The following TMEM208 variants were observed in gnomAD, a reference collection of about 807,000 sequenced individuals.
TMEM208 encodes the protein SRP-independent targeting 2 homolog.
A neutral mutation model predicts 26.4 loss-of-function variants in TMEM208; 19 were observed. That is an observed-to-expected ratio of 0.72 (90% CI 0.50 to 1.06). The LOEUF (loss-of-function observed/expected upper bound fraction) is 1.06. Ranked by LOEUF, TMEM208 falls within the 50% of genes least tolerant of loss-of-function variation. The probability of loss-of-function intolerance (pLI) is 0.00; values close to 1 mark genes in which losing one functional copy is unlikely to be tolerated. For missense variants in TMEM208, 183 were observed against 219.8 expected (o/e 0.83, Z 1.06); for synonymous variants, 93 against 83.1 (o/e 1.12, Z -0.65).
chr16:67,228,315 G>GT (rs1345304978), intron 2 of TMEM208, 40 bp from the exon 3 acceptor site: 22 of 1,610,432 alleles, frequency 1.4e-5, no homozygotes, highest in Non-Finnish European at 1.6e-5. Context: ...TGGTTTGGAG[G>GT]TAACTTCTGA....
rs751919286 is a variant in TMEM208 at position 67,227,827 on chromosome 16, C to T, written c.7-9C>T. 7.5e-6 allele frequency: 12 copies of T among 1,599,668 alleles called. No individual in the cohort carries two copies. The highest frequency in any genetic ancestry group is 2.3e-5 in the East Asian group (1 of 44,412). ...GGCCTCCTGACGGCATCTCATCATT[C>T]CTCTGCAGCCCAAGGGCAAAGTGGG... On this transcript the variant is annotated splice_polypyrimidine_tract_variant and intron_variant, in intron 1 of 5. Transcript: ENST00000304800.
chr16:67,227,856 G>GA lies in TMEM208; in HGVS notation c.28dup (p.Arg10LysfsTer8). The GA allele has an allele frequency of 6.2e-7, 1 of 1,610,288 alleles. No individual in the cohort carries two copies. Among genetic ancestry groups the GA allele is most frequent in the Non-Finnish European group, 8.5e-7 (1 of 1,178,274 alleles). ...TGCAGCCCAAGGGCAAAGTGGGCAC[G>GA]AGAGGGAAGAAGCAGATATTTGAAG... On this transcript the variant is annotated frameshift_variant, in exon 2 of 6. Coordinates refer to ENST00000304800, the MANE Select transcript of TMEM208 (RefSeq NM_014187.4). LOFTEE classifies it high-confidence loss of function.
At chr16:67,228,467 C>A in intron 3 of TMEM208, 28 bp from the exon 4 acceptor site, 1 of 1,613,936 alleles carries the variant, frequency 6.2e-7, no homozygotes, top group South Asian at 1.1e-5. Flanking sequence ...AGTGGCTGGC[C>A]TTTGATACCC....
In TMEM208 at chr16:67,229,029, C is replaced by T; in HGVS notation, c.438C>T (p.Phe146=). Residue 146 remains phenylalanine, a synonymous_variant, in exon 6 of 6, where the codon TTC becomes TTT. Transcript: ENST00000304800. ...GGGTGAATGTGCTGGGCCCCTGGTT[C>T]ACTGCAGACAGTGGCACCCCAGCAC... ...LLWVNVLGPW[F]TADSGTPAPE... 1 of 1,612,792 alleles carries T rather than the reference C, an allele frequency of 6.2e-7. No homozygotes were observed. The highest frequency in any genetic ancestry group is 8.5e-7 in the Non-Finnish European group (1 of 1,179,042).
chr16:67,229,039 A>G lies in TMEM208; in HGVS notation c.448A>G (p.Ser150Gly), dbSNP rs758870713. The G allele has an allele frequency of 1.2e-6, 2 of 1,613,332 alleles. No homozygotes were observed. Among genetic ancestry groups the G allele is most frequent in the South Asian group, 2.2e-5 (2 of 91,062 alleles). Residue 150 changes from serine (S) to glycine (G), a missense_variant, in exon 6 of 6, where the codon AGT (serine) becomes GGT (glycine). Ser to Gly is a moderately conservative substitution (Grantham distance 56). Coordinates refer to ENST00000304800, the MANE Select transcript of TMEM208 (RefSeq NM_014187.4). ...NVLGPWFTAD[S>G]GTPAPEHNEK... ...GCTGGGCCCCTGGTTCACTGCAGAC[A>G]GTGGCACCCCAGCACCAGAGCACAA...
rs761001314 is a variant in TMEM208, at chr16:67,228,332, C to T, written c.103-23C>T. On this transcript the variant is annotated intron_variant, in intron 2 of 5. Transcript: ENST00000304800. ...GTTTGGAGGTAACTTCTGACCCCAACCTGATCCTGTGATTGCTTGCAGGCC... is the reference window on the plus strand; with the variant it reads ...GTTTGGAGGTAACTTCTGACCCCAATCTGATCCTGTGATTGCTTGCAGGCC... The T allele has an allele frequency of 4.8e-5, 78 of 1,613,802 alleles. 1 individual carries two copies. Among genetic ancestry groups the T allele is most frequent in the Non-Finnish European group, 6.4e-5 (76 of 1,179,836 alleles).
rs916200277 is a variant in TMEM208, at chr16:67,228,643, C to T, written c.299+12C>T. On this transcript the variant is annotated intron_variant, in intron 4 of 5. Transcript: ENST00000304800. Reference sequence around the variant, plus strand: ...CAGGGCATGGCAGAGTGAGTGTCCCCCACCGCCAGCCCAGGTGAGCGGCCC... The same window carrying T: ...CAGGGCATGGCAGAGTGAGTGTCCCTCACCGCCAGCCCAGGTGAGCGGCCC... The T allele has an allele frequency of 1.9e-6, 3 of 1,551,130 alleles. No individual in the cohort carries two copies. Among genetic ancestry groups the T allele is most frequent in the African/African-American group, 1.4e-5 (1 of 73,072 alleles).
intron 2 of TMEM208, 21 bp from the exon 3 acceptor site, chr16:67,228,334 T>G (rs1227073109): frequency 3.1e-6 from 5 of 1,613,950 alleles, no homozygotes; most frequent in South Asian, 1.1e-5. Flanking sequence ...GACCCCAACC[T>G]GATCCTGTGA....
At chr16:67,228,449 G>C (rs761285449) in intron 3 of TMEM208, 35 bp downstream of exon 3, 1 of 1,613,986 alleles carries the variant, frequency 6.2e-7, no homozygotes, top group Admixed American at 1.7e-5. Flanking sequence ...GGATGAGTGC[G>C]TAGGGTCAGT....
intron 1 of TMEM208, 117 bp downstream of exon 1, chr16:67,227,341 C>G (rs1456397630): frequency 1.4e-6 from 2 of 1,426,478 alleles, no homozygotes; most frequent in Non-Finnish European, 1.9e-6. Flanking sequence ...GGCGCCATCC[C>G]TGGCCAGACC....
At chr16:67,227,309 G>T (rs893419991) in intron 1 of TMEM208, 85 bp downstream of exon 1, 46 of 1,548,082 alleles carry the variant, frequency 3.0e-5, no homozygotes, top group Non-Finnish European at 3.9e-5. Flanking sequence ...AACATTAAGG[G>T]ATATGGGGTG....
Position 67,228,649 on chromosome 16 carries a change from C to A in TMEM208, c.299+18C>A. 1 of 1,549,188 alleles carries A rather than the reference C, an allele frequency of 6.5e-7. No individual in the cohort carries two copies. The highest frequency in any genetic ancestry group is 1.9e-5 in the Admixed American group (1 of 51,658). ...ATGGCAGAGTGAGTGTCCCCCACCG[C>A]CAGCCCAGGTGAGCGGCCCCAGGGC... On this transcript the variant is annotated intron_variant, in intron 4 of 5. Transcript: ENST00000304800.
At position 67,227,159 on chromosome 16, in the gene TMEM208, T is replaced by C. The variant is rs2034049886; in HGVS notation, c.-60T>C. The C allele has an allele frequency of 1.2e-5, 20 of 1,606,292 alleles. No individual in the cohort carries two copies. The South Asian group carries it at 2.0e-4, about 16-fold the overall frequency. On this transcript the variant is annotated 5_prime_UTR_variant, in exon 1 of 6. An upstream open reading frame in the 5' UTR loses its in-frame stop. Transcript: ENST00000304800. ...GTGCATGAGCTGCCGATGTGGTGCT[T>C]AGTGATTGCGGTTTCGGTCGCTCTC...
intron 2 of TMEM208, 149 bp from the exon 3 acceptor site, chr16:67,228,206 T>C (rs2034099481): frequency 1.1e-6 from 1 of 874,534 alleles, no homozygotes; most frequent in Admixed American, 2.1e-5. Context: ...AGTGGGTATT[T>C]GGGATTCAGG....
intron 1 of TMEM208, chr16:67,227,478 C>A: frequency 1.8e-6 from 1 of 570,938 alleles, no homozygotes; most frequent in Non-Finnish European, 3.1e-6. Context: ...TAACCCAGAT[C>A]GGGACTACGC....
intron 2 of TMEM208, 65 bp from the exon 3 acceptor site, chr16:67,228,290 G>T: frequency 3.8e-6 from 6 of 1,574,562 alleles, no homozygotes; most frequent in Non-Finnish European, 5.2e-6. Context: ...CTTGGTCAGA[G>T]TTGAGGGAGA....
At chr16:67,228,016 C>T (rs2034091059) in intron 2 of TMEM208, 85 bp downstream of exon 2, 5 of 1,107,344 alleles carry the variant, frequency 4.5e-6, no homozygotes, top group East Asian at 2.6e-5. Context: ...GAGTGGTACC[C>T]GAAAAAGCTC....
rs1260477952 is a variant in TMEM208, at chr16:67,229,218, G to A, written c.*105G>A. 1 of 1,217,728 alleles carries A rather than the reference G, an allele frequency of 8.2e-7. No individual in the cohort carries two copies. The highest frequency in any genetic ancestry group is 1.1e-6 in the Non-Finnish European group (1 of 879,260). 75.4% of individuals were successfully genotyped at this position (1,217,728 alleles called of 1,614,324 possible). A position where few individuals can be genotyped will look rare whatever the true frequency, so the allele number is the denominator to read the frequency against. Reference sequence around the variant, plus strand: ...GGGTCTAGTCCAGGGGCCAAAAGCAGTCTGAGGTATTGGGTATACTTATAC... The same window carrying A: ...GGGTCTAGTCCAGGGGCCAAAAGCAATCTGAGGTATTGGGTATACTTATAC... On this transcript the variant is annotated 3_prime_UTR_variant, in exon 6 of 6. Coordinates refer to ENST00000304800, the MANE Select transcript of TMEM208 (RefSeq NM_014187.4).
chr16:67,227,373 G>C, intron 1 of TMEM208, 149 bp downstream of exon 1: 1 of 1,203,568 alleles, frequency 8.3e-7, no homozygotes, highest in Non-Finnish European at 1.2e-6. Flanking sequence ...GGGCTGGGGG[G>C]ATGGCGGCGC....
Sources: allele counts gnomAD v4.1 joint callset, GRCh38; gene constraint gnomAD v4.1.1; transcripts MANE v1.5; gene names NCBI Gene and HGNC (gene_info 2026-07-23, HGNC 2026-07-21).